TRO: variants seen among roughly 807,000 people sequenced by gnomAD.
TRO encodes the protein MAGE superfamily protein.
In TRO, 29 loss-of-function variants were observed where a neutral mutation model predicts 42.3. The observed-to-expected ratio is 0.68, with a 90% CI of 0.51 to 0.93. TRO has a LOEUF of 0.93. Ranked by LOEUF, TRO falls within the 40% of genes least tolerant of loss-of-function variation. The probability of loss-of-function intolerance (pLI) is 0.00; values close to 1 mark genes in which losing one functional copy is unlikely to be tolerated. For missense variants in TRO, 963 were observed against 1,127.7 expected, an observed-to-expected ratio of 0.85 and a Z score of 2.09; for synonymous variants, 384 against 425.2, an observed-to-expected ratio of 0.90 and a Z score of 1.19.
intron 11 of TRO, 64 bp downstream of exon 11, chrX:54,927,845 C>A: frequency 1.0e-6 from 1 of 958,438 alleles, no homozygotes; most frequent in African/African-American, 1.9e-5. Context: ...CTGGGGCAGG[C>A]AATGCACAGG....
rs934851846 is a variant in TRO at position 54,929,663 on chromosome X, G to A, written c.2939G>A (p.Gly980Asp). The part of the protein sequence containing the change: ...GGALNTSASF[G>D]SVLNTSTGFG... ...GCTCTCAACACCAGTGCCAGCTTTG[G>A]CAGTGTGCTCAACACCAGTACTGGT... Residue 980 changes from glycine to aspartate, a missense_variant, in exon 12 of 13, where the codon GGC becomes GAC. Gly to Asp is a moderately conservative substitution (Grantham distance 94). This residue lies in a region of TRO where 641 missense variants were observed against 811.3 expected (regional missense o/e 0.79). Transcript: ENST00000173898. 3.3e-6 allele frequency: 4 copies of A among 1,210,121 alleles called. No homozygotes were observed. The highest frequency in any genetic ancestry group is 1.7e-5 in the African/African-American group (1 of 57,202).
chrX:54,931,005 C>T lies in TRO; in HGVS notation c.4281C>T (p.Gly1427=). 1.7e-6 allele frequency: 2 copies of T among 1,192,065 alleles called. No individual in the cohort carries two copies. The highest frequency in any genetic ancestry group is 2.3e-6 in the Non-Finnish European group (2 of 883,588). ...GSGAASLGAC[G]FSYG ...GAGCCGCCAGTCTTGGTGCCTGTGGCTTCTCGTATGGCTAGTGAGGTTTCA... is the reference window on the plus strand; with the variant it reads ...GAGCCGCCAGTCTTGGTGCCTGTGGTTTCTCGTATGGCTAGTGAGGTTTCA... Residue 1427 remains glycine, a synonymous_variant, in exon 12 of 13, where the codon GGC becomes GGT. Transcript: ENST00000173898.
At chrX:54,925,719 T>G in intron 7 of TRO, 36 bp downstream of exon 7, 1 of 1,076,971 alleles carries the variant, frequency 9.3e-7, no homozygotes, top group South Asian at 1.9e-5. Flanking sequence ...GAAGGAAGCT[T>G]CTGCTTTTAT....
chrX:54,923,879 C>A, intron 3 of TRO, 111 bp downstream of exon 3: 1 of 810,631 alleles, frequency 1.2e-6, no homozygotes, highest in Non-Finnish European at 1.7e-6. Context: ...TCCCTGTGTT[C>A]AGATAGGCTG....
At position 54,931,361 on chromosome X, in the gene TRO, C is replaced by T. The variant is rs753573491; in HGVS notation, c.*169C>T. 8.3e-7 allele frequency: 1 copy of T among 1,197,984 alleles called. No homozygotes were observed. Among genetic ancestry groups the T allele is most frequent in the Non-Finnish European group, 1.1e-6 (1 of 885,430 alleles). On this transcript the variant is annotated 3_prime_UTR_variant, in exon 13 of 13. Coordinates refer to ENST00000173898, the MANE Select transcript of TRO (RefSeq NM_001039705.3). The stretch of plus-strand genomic sequence containing the variant: ...TGATGGAAAAATCTGTTTGCTGTTC[C>T]TGCTTTATTGTTTGCTTTCTGTGTG...
chrX:54,921,942 G>C, intron 1 of TRO: 1 of 266,861 alleles, frequency 3.7e-6, no homozygotes, highest in Non-Finnish European at 6.6e-6. Context: ...GTGGGCCTAA[G>C]ATGGGGGGTG....
chrX:54,924,395 CAG>C, intron 3 of TRO, 54 bp from the exon 4 acceptor site: 1 of 1,059,770 alleles, frequency 9.4e-7, no homozygotes, highest in South Asian at 2.2e-5. Context: ...GGTGAGGAGA[CAG>C]AGCCATCTCT....
chrX:54,930,373 G>A lies in TRO; in HGVS notation c.3649G>A (p.Ala1217Thr). Residue 1217 changes from alanine (A) to threonine (T), a missense_variant, in exon 12 of 13, where the codon GCT (alanine) becomes ACT (threonine). By Grantham distance (58) the Ala-to-Thr change is moderately conservative (BLOSUM62 0). Transcript: ENST00000173898. ...ATTTGGTGGTGGACTGAACACCAGT[G>A]CTGGCTTTGGTGGTGGCCTAGGCAC... ...AGFGGGLNTS[A>T]GFGGGLGTSA... is the part of the protein sequence containing the mutation. The A allele has an allele frequency of 8.3e-7, 1 of 1,211,992 alleles. No homozygotes were observed. Among genetic ancestry groups the A allele is most frequent in the Non-Finnish European group, 1.1e-6 (1 of 895,534 alleles).
At chrX:54,927,611 G>C in intron 10 of TRO, 56 bp from the exon 11 acceptor site, 1 of 983,443 alleles carries the variant, frequency 1.0e-6, no homozygotes. Context: ...CTGGTGTCTA[G>C]TGCTTAGACA....
In TRO at chrX:54,925,591, G is replaced by C. The variant is rs1220034751; in HGVS notation, c.1486-1G>C. On this transcript the variant is annotated splice_acceptor_variant, in intron 6 of 12. Transcript: ENST00000173898. LOFTEE classifies it high-confidence loss of function. The stretch of plus-strand genomic sequence containing the variant: ...TCACAGGCTATTCTTTTACTTGGCA[G>C]ATGTTTCGAGTCAATCTGAAAGAAA... 8.3e-7 allele frequency: 1 copy of C among 1,206,279 alleles called. No homozygotes were observed. Among genetic ancestry groups the C allele is most frequent in the Non-Finnish European group, 1.1e-6 (1 of 892,557 alleles).
chrX:54,928,300 G>GTGTT (rs1254331741), intron 11 of TRO, among the ~76,000 whole-genome samples: 1 of 112,103 alleles, frequency 8.9e-6, no homozygotes, highest in African/African-American at 3.2e-5. Flanking sequence ...ATCACACTGG[G>GTGTT]TGTTAGGGAT....
rs1932781499 is a variant in TRO, at chrX:54,926,794, C to T, written c.1700+169C>T. On this transcript the variant is annotated intron_variant, in intron 9 of 12. Transcript: ENST00000173898. Reference sequence around the variant, plus strand: ...GATGACGGGCAAATGGTCCTGAACTCTCTGCTGTCTCTCTCCTTAATGTCC... The same window carrying T: ...GATGACGGGCAAATGGTCCTGAACTTTCTGCTGTCTCTCTCCTTAATGTCC... 6.8e-6 allele frequency: 5 copies of T among 737,133 alleles called. No individual in the cohort carries two copies. In the East Asian group the frequency reaches 1.7e-4, roughly 25 times the overall value. The allele number at this position is 737,133 out of a possible 1,213,427, so 60.7% of individuals were successfully genotyped here. A position where few individuals can be genotyped will look rare whatever the true frequency, so the allele number is the denominator to read the frequency against.
rs745605638 is a variant in TRO, at chrX:54,923,845, TA to T, written c.1236+78del. On this transcript the variant is annotated intron_variant, in intron 3 of 12. Transcript: ENST00000173898. ...ACCCTTCTAGTTTGTTCATTTCTTC[TA>T]TAAAAGTTTTACTTTGAGCTAGTCC... The T allele has an allele frequency of 4.0e-5, 41 of 1,016,026 alleles. No homozygotes were observed. The East Asian group carries it at 1.4e-3, about 34-fold the overall frequency. The allele number at this position is 1,016,026 out of a possible 1,213,427, so 83.7% of individuals were successfully genotyped here. A position where few individuals can be genotyped will look rare whatever the true frequency, so the allele number is the denominator to read the frequency against.
At chrX:54,926,357 T>C (rs1932754063) in intron 7 of TRO, 53 bp from the exon 8 acceptor site, 2 of 1,147,981 alleles carry the variant, frequency 1.7e-6, no homozygotes, top group Admixed American at 4.5e-5. Flanking sequence ...ACATAAACCT[T>C]CTTTCTGTCC....
In TRO at chrX:54,922,652, C is replaced by T. The variant is rs1475059544; in HGVS notation, c.120C>T (p.Asp40=). The part of the protein sequence containing the change: ...PDIQTETTEE[D]SVLLMHTLLA... ...TACAGACTGAGACCACAGAAGAGGA[C>T]AGTGTCCTGCTGATGCATACCCTGT... The change falls in exon 3 of 13, where the codon GAC becomes GAT. Residue 40 remains aspartate, a synonymous_variant. Transcript: ENST00000173898. 4.1e-6 allele frequency: 5 copies of T among 1,209,540 alleles called. No homozygotes were observed. The highest frequency in any genetic ancestry group is 3.4e-6 in the Non-Finnish European group (3 of 895,089).
intron 12 of TRO, 66 bp downstream of exon 12, chrX:54,931,097 G>A: frequency 3.4e-6 from 4 of 1,176,399 alleles, no homozygotes; most frequent in Non-Finnish European, 4.6e-6. Flanking sequence ...GATGTTGTAA[G>A]AAACACTAAG....
At chrX:54,921,991 T>G (rs1226035814) in intron 1 of TRO, 2 of 296,462 alleles carry the variant, frequency 6.7e-6, no homozygotes, top group Non-Finnish European at 1.1e-5. Flanking sequence ...ACTATCGAGT[T>G]GCGGAGGGGG....
chrX:54,926,055 A>T (rs1254186599), intron 7 of TRO, among the ~76,000 whole-genome samples: 1 of 111,959 alleles, frequency 8.9e-6, no homozygotes, highest in African/African-American at 3.3e-5. Context: ...GAAGCGCAAG[A>T]GTGTCAGTGG....
intron 6 of TRO, 42 bp from the exon 7 acceptor site, chrX:54,925,550 G>A (rs756113177): frequency 8.7e-7 from 1 of 1,150,342 alleles, no homozygotes; most frequent in South Asian, 1.9e-5. Context: ...TGATACCTAA[G>A]CTGAATTTTG....
Sources: allele counts gnomAD v4.1 joint callset (sites outside exome capture counted in the v4.1 genomes callset), GRCh38; gene constraint gnomAD v4.1.1; regional missense constraint gnomAD v4.1.1; transcripts MANE v1.5; gene names NCBI Gene and HGNC (gene_info 2026-07-23, HGNC 2026-07-21).